The following DUSP16 variants were observed in gnomAD, a reference collection of about 807,000 sequenced individuals.
DUSP16 encodes dual specificity phosphatase 16.
DUSP16 carries 21 observed loss-of-function variants against 58.3 expected under a neutral mutation model. That is an observed-to-expected ratio of 0.36 (90% CI 0.26 to 0.52). The LOEUF (loss-of-function observed/expected upper bound fraction) is 0.52, where lower values mean the gene tolerates loss of function less well. DUSP16 is among the 20% of genes least tolerant of loss of function. The probability of loss-of-function intolerance (pLI) is 0.94; values close to 1 mark genes in which losing one functional copy is unlikely to be tolerated. For missense variants in DUSP16, 726 were observed against 819.0 expected (o/e 0.89, Z 1.39); for synonymous variants, 320 against 323.8 (o/e 0.99, Z 0.12).
chr12:12,551,708 T>TCC (rs71061080), intron 1 of DUSP16, among the ~76,000 whole-genome samples: 15 of 148,882 alleles, frequency 1.0e-4, no homozygotes, highest in Non-Finnish European at 1.0e-4. Flanking sequence ...TTTTTTTTTT[T>TCC]CCGAGATGGA....
chr12:12,482,374 A>G (rs369730358), intron 5 of DUSP16, among the ~76,000 whole-genome samples: 2 of 152,124 alleles, frequency 1.3e-5, no homozygotes, highest in East Asian at 3.9e-4. Context: ...TGTTTTTCAA[A>G]TTTTCTGCAA....
intron 3 of DUSP16, among the ~76,000 whole-genome samples, chr12:12,501,465 A>G (rs1436233152): frequency 6.6e-6 from 1 of 152,212 alleles, no homozygotes; most frequent in African/African-American, 2.4e-5. Context: ...CCACCACTCA[A>G]TGGAGTGAAA....
intron 1 of DUSP16, among the ~76,000 whole-genome samples, chr12:12,556,375 A>C (rs1467310767): frequency 6.6e-6 from 1 of 152,074 alleles, no homozygotes; most frequent in Non-Finnish European, 1.5e-5. Context: ...CTGGGCAACA[A>C]AGTGAGACCC....
chr12:12,532,094 C>A (rs1944396864), intron 1 of DUSP16, among the ~76,000 whole-genome samples: 1 of 151,970 alleles, frequency 6.6e-6, no homozygotes, highest in Admixed American at 6.6e-5. Context: ...GGAAGCGGAG[C>A]TTGCAGTGAG....
intron 1 of DUSP16, among the ~76,000 whole-genome samples, chr12:12,547,062 G>C (rs1183986003): frequency 1.3e-5 from 2 of 152,186 alleles, no homozygotes; most frequent in African/African-American, 4.8e-5. Flanking sequence ...TACCTGGCAT[G>C]AAAATATAGC....
chr12:12,553,404 G>C (rs1411588286), intron 1 of DUSP16, among the ~76,000 whole-genome samples: 1 of 152,174 alleles, frequency 6.6e-6, no homozygotes, highest in Non-Finnish European at 1.5e-5. Context: ...TAAGGCCTTA[G>C]TTTCCTCATC....
At chr12:12,560,887 T>C (rs2136278394) in intron 1 of DUSP16, 1 of 146,254 alleles carries the variant, frequency 6.8e-6, no homozygotes, top group South Asian at 2.1e-4. Context: ...AAGAGGCATT[T>C]TTCTGACAGT....
intron 4 of DUSP16, among the ~76,000 whole-genome samples, chr12:12,490,338 A>G (rs1227888884): frequency 6.6e-6 from 1 of 152,224 alleles, no homozygotes; most frequent in Non-Finnish European, 1.5e-5. Flanking sequence ...ATGCTACCTG[A>G]AAATTTTTTT....
chr12:12,545,156 AT>A (rs765530844), intron 1 of DUSP16, among the ~76,000 whole-genome samples: 41 of 152,260 alleles, frequency 2.7e-4, no homozygotes, highest in African/African-American at 9.4e-4. Context: ...AGCATTTGAT[AT>A]TTTTTGATGC....
At chr12:12,486,481 AGTGTGTGTGTGTGTGTGTGT>A (rs56941943) in intron 5 of DUSP16, among the ~76,000 whole-genome samples, 2 of 147,262 alleles carry the variant, frequency 1.4e-5, no homozygotes, top group South Asian at 2.2e-4. Flanking sequence ...ACCAAATGAG[AGTGTGTGTGTGTGTGTGTGT>A]GTGTGTGTGT....
chr12:12,476,615 T>C lies in DUSP16; in HGVS notation c.*218A>G. 2.1e-6 allele frequency: 1 copy of C among 485,008 alleles called. No homozygotes were observed. The allele number at this position is 485,008 out of a possible 1,614,324, so 30.0% of individuals were successfully genotyped here. A position where few individuals can be genotyped will look rare whatever the true frequency, so the allele number is the denominator to read the frequency against. ...CCTCCGTCTAGGGGGGATTCTAGCA[T>C]CTGCCCTTCCATTTTTGTTGAGAGA... On this transcript the variant is annotated 3_prime_UTR_variant, in exon 7 of 7. Transcript: ENST00000298573.
chr12:12,519,655 G>A (rs913429430), intron 3 of DUSP16, among the ~76,000 whole-genome samples: 2 of 152,222 alleles, frequency 1.3e-5, no homozygotes, highest in African/African-American at 4.8e-5. Flanking sequence ...AGAGGCACTT[G>A]AGCCAAGTCA....
chr12:12,500,659 A>G lies in DUSP16; in HGVS notation c.391T>C (p.Cys131Arg), dbSNP rs1313640487. 5.0e-6 allele frequency: 8 copies of G among 1,596,868 alleles called. No individual in the cohort carries two copies. Among genetic ancestry groups the G allele is most frequent in the African/African-American group, 1.3e-5 (1 of 74,090 alleles). Residue 131 changes from cysteine (C) to arginine (R), a missense_variant, in exon 4 of 7, where the codon TGT (cysteine) becomes CGT (arginine). Cys to Arg is a radical substitution (Grantham distance 180, BLOSUM62 -3). Coordinates refer to ENST00000298573, the MANE Select transcript of DUSP16 (RefSeq NM_030640.3). The part of the protein sequence containing the change: ...LAGGFAEFSR[C>R]FPGLCEGKST... Reference sequence around the variant, plus strand: ...TTTCCTTCACAGAGGCCAGGGAAACAACGAGAGAACTCAGCAAACCCACCT... The same window carrying G: ...TTTCCTTCACAGAGGCCAGGGAAACGACGAGAGAACTCAGCAAACCCACCT...
chr12:12,521,305 C>T lies in DUSP16; in HGVS notation c.-207G>A, dbSNP rs1944233099. 45 of 1,421,214 alleles carry T rather than the reference C, an allele frequency of 3.2e-5. No homozygotes were observed. Among genetic ancestry groups the T allele is most frequent in the Non-Finnish European group, 4.0e-5 (44 of 1,090,602 alleles). The allele number at this position is 1,421,214 out of a possible 1,614,324, so 88.0% of individuals were successfully genotyped here. ...TCTCTTTCCCGTTGATGTGCTCTTGCAAAGGACTCCGTCCACAAAGCAGCC... is the reference window on the plus strand; with the variant it reads ...TCTCTTTCCCGTTGATGTGCTCTTGTAAAGGACTCCGTCCACAAAGCAGCC... On this transcript the variant is annotated 5_prime_UTR_variant, in exon 2 of 7. Transcript: ENST00000298573.
At chr12:12,536,858 A>AG (rs973470903) in intron 1 of DUSP16, among the ~76,000 whole-genome samples, 9 of 152,208 alleles carry the variant, frequency 5.9e-5, no homozygotes, top group African/African-American at 2.2e-4. Context: ...ACAAACATGG[A>AG]GAAACCCCCA....
intron 4 of DUSP16, among the ~76,000 whole-genome samples, chr12:12,488,010 C>G (rs1017729332): frequency 6.6e-6 from 1 of 152,142 alleles, no homozygotes; most frequent in Non-Finnish European, 1.5e-5. Flanking sequence ...AAAAAGCCAC[C>G]AGGAGCTCTT....
At chr12:12,515,076 T>C (rs187575023) in intron 3 of DUSP16, among the ~76,000 whole-genome samples, 190 of 150,002 alleles carry the variant, frequency 1.3e-3, no homozygotes, top group Non-Finnish European at 2.1e-3. Flanking sequence ...AGGACTTTAT[T>C]AAAAAGAAAA....
chr12:12,521,089 C>T lies in DUSP16; in HGVS notation c.10G>A (p.Glu4Lys). 1.2e-6 allele frequency: 2 copies of T among 1,614,144 alleles called. No individual in the cohort carries two copies. Among genetic ancestry groups the T allele is most frequent in the Non-Finnish European group, 1.7e-6 (2 of 1,180,016 alleles). Residue 4 changes from glutamate (E) to lysine (K), a missense_variant, in exon 2 of 7, where the codon GAG becomes AAG. Glu to Lys is a moderately conservative substitution (Grantham distance 56). Coordinates refer to ENST00000298573, the MANE Select transcript of DUSP16 (RefSeq NM_030640.3). The stretch of plus-strand genomic sequence containing the variant: ...GTAACAATTTGAGTTCCAATCATCT[C>T]ATGGGCCATGACAACAATAAGTCCT... Reference protein sequence around the residue: MAHEMIGTQIVTER... With the variant: MAHKMIGTQIVTER...
intron 1 of DUSP16, among the ~76,000 whole-genome samples, chr12:12,539,986 T>C (rs1944527402): frequency 2.0e-5 from 3 of 151,930 alleles, no homozygotes; most frequent in Admixed American, 2.0e-4. Flanking sequence ...ACTTGGGATG[T>C]GGAGGTTGCA....
Sources: allele counts gnomAD v4.1 joint callset (sites outside exome capture counted in the v4.1 genomes callset), GRCh38; gene constraint gnomAD v4.1.1; transcripts MANE v1.5; gene names NCBI Gene and HGNC (gene_info 2026-07-23, HGNC 2026-07-21).